CCSER1: variants seen among roughly 807,000 people sequenced by gnomAD.
CCSER1 encodes serine-rich coiled-coil domain-containing protein 1.
Under a neutral mutation model 82.0 loss-of-function variants are expected in CCSER1, and 41 were observed. The observed-to-expected ratio is 0.50, with a 90% CI of 0.39 to 0.65. The LOEUF is 0.65. Ranked by LOEUF, CCSER1 falls within the 30% of genes least tolerant of loss-of-function variation. The pLI is 0.00. For missense variants in CCSER1, 1,119 were observed against 1,064.2 expected, an observed-to-expected ratio of 1.05 and a Z score of -0.72; for synonymous variants, 414 against 383.9, an observed-to-expected ratio of 1.08 and a Z score of -0.92.
At chr4:90,152,183 C>T (rs1726989347) in intron 1 of CCSER1, among the ~76,000 whole-genome samples, 1 of 152,162 alleles carries the variant, frequency 6.6e-6, no homozygotes, top group African/African-American at 2.4e-5. Context: ...TTATCTCTCT[C>T]TGCTCTATCA....
intron 9 of CCSER1, chr4:91,015,570 A>G (rs1361363085): frequency 6.6e-6 from 1 of 151,852 alleles, no homozygotes; most frequent in South Asian, 2.1e-4. Context: ...TTTTTCTCAC[A>G]TTCACTTTTT....
At chr4:91,099,544 A>C (rs991937635) in intron 10 of CCSER1, among the ~76,000 whole-genome samples, 1 of 152,194 alleles carries the variant, frequency 6.6e-6, no homozygotes, top group African/African-American at 2.4e-5. Flanking sequence ...CTGAGAACAC[A>C]TGTCCAAGGT....
rs895674740 is a variant in CCSER1 at position 91,037,594 on chromosome 4, T to C, written c.2173-48356T>C. ...GATATTTCTACTTTTCCTTCTTCTC[T>C]CTCCTTCCTACTTTGTAATTCCCCT... is the stretch of plus-strand genomic sequence containing the variant. On this transcript the variant is annotated intron_variant, in intron 9 of 10. Transcript: ENST00000509176. 9.2e-5 allele frequency among the ~76,000 whole-genome samples: 14 copies of C among 151,574 alleles called. No individual in the cohort carries two copies. In the Admixed American group the frequency reaches 9.2e-4, roughly 10 times the overall value.
intron 6 of CCSER1, among the ~76,000 whole-genome samples, chr4:90,694,797 G>GGTGTGTGTGTGTGTGTGT (rs112192037): frequency 6.9e-6 from 1 of 145,364 alleles, no homozygotes; most frequent in African/African-American, 2.5e-5. Context: ...GTGTGTGTGG[G>GGTGTGTGTGTGTGTGTGT]GTGTGTGTGT....
In CCSER1 at chr4:90,727,366, T is replaced by C. The variant is rs115251900; in HGVS notation, c.2010+3375T>C. The C allele has an allele frequency of 4.6e-3, 2,055 of 450,920 alleles. 28 individuals are homozygous for C. The highest frequency in any genetic ancestry group is 0.035 in the African/African-American group (1,769 of 49,988). The allele number at this position is 450,920 out of a possible 1,614,324, so 27.9% of individuals were successfully genotyped here. A position where few individuals can be genotyped will look rare whatever the true frequency, so the allele number is the denominator to read the frequency against. On this transcript the variant is annotated intron_variant, in intron 7 of 10. Transcript: ENST00000509176. ...AGTTCAAGATCATTAAAGTGAAACA[T>C]TGCTCTGATAAAAGACAGTGGATTG... is the stretch of plus-strand genomic sequence containing the variant.
chr4:91,143,761 A>G (rs1049372244), intron 10 of CCSER1, among the ~76,000 whole-genome samples: 3 of 151,982 alleles, frequency 2.0e-5, no homozygotes, highest in Non-Finnish European at 4.4e-5. Context: ...AATTCTGTTT[A>G]TGTGGTAAAT....
chr4:90,885,755 G>GA (rs1722030527), intron 8 of CCSER1, among the ~76,000 whole-genome samples: 1 of 152,128 alleles, frequency 6.6e-6, no homozygotes, highest in Non-Finnish European at 1.5e-5. Flanking sequence ...ATGAAATGCT[G>GA]AATTTATCAG....
At chr4:91,079,353 C>A (rs545397788) in intron 9 of CCSER1, among the ~76,000 whole-genome samples, 6 of 152,232 alleles carry the variant, frequency 3.9e-5, no homozygotes, top group African/African-American at 1.4e-4. Flanking sequence ...GAAATAAAAT[C>A]TTTTACAGAC....
At chr4:90,745,439 A>G (rs1406250967) in intron 7 of CCSER1, among the ~76,000 whole-genome samples, 1 of 152,144 alleles carries the variant, frequency 6.6e-6, no homozygotes, top group African/African-American at 2.4e-5. Flanking sequence ...CCCCTTTGCC[A>G]TGGATATCTG....
intron 8 of CCSER1, chr4:90,911,403 T>G (rs1212001345): frequency 4.5e-6 from 2 of 442,920 alleles, no homozygotes; most frequent in Non-Finnish European, 4.5e-6. Flanking sequence ...TGCATTTTCA[T>G]TCCTGAGCTC....
At chr4:90,750,216 C>A (rs561396507) in intron 7 of CCSER1, among the ~76,000 whole-genome samples, 2 of 151,828 alleles carry the variant, frequency 1.3e-5, no homozygotes, top group Non-Finnish European at 2.9e-5. Context: ...GAGTAGGTTG[C>A]GAAAATTTTC....
chr4:90,772,506 T>A (rs940043648), intron 7 of CCSER1, among the ~76,000 whole-genome samples: 2 of 152,146 alleles, frequency 1.3e-5, no homozygotes, highest in South Asian at 2.1e-4. Flanking sequence ...TGCAAATATT[T>A]CAGTGTCATT....
intron 6 of CCSER1, chr4:90,683,042 C>G (rs1734177273): frequency 6.6e-6 from 1 of 152,294 alleles, no homozygotes; most frequent in Non-Finnish European, 1.5e-5. Context: ...TGCAACCAAA[C>G]TGCAGCAAGC....
chr4:91,291,887 CA>C (rs1324041352), intron 10 of CCSER1, among the ~76,000 whole-genome samples: 5 of 152,038 alleles, frequency 3.3e-5, no homozygotes, highest in African/African-American at 1.2e-4. Flanking sequence ...ATCCACATCA[CA>C]GATAAATTAT....
chr4:90,867,598 C>T (rs1224446160), intron 8 of CCSER1, among the ~76,000 whole-genome samples: 1 of 151,894 alleles, frequency 6.6e-6, no homozygotes, highest in Non-Finnish European at 1.5e-5. Context: ...TTATTGATTG[C>T]ACTCACCCTG....
At chr4:91,483,082 TTAAAG>T in intron 10 of CCSER1, among the ~76,000 whole-genome samples, 1 of 150,366 alleles carries the variant, frequency 6.7e-6, no homozygotes, top group Non-Finnish European at 1.5e-5. Context: ...ACCCTAGAAC[TTAAAG>T]TATAATAATA....
At chr4:91,478,404 T>C (rs1040836076) in intron 10 of CCSER1, among the ~76,000 whole-genome samples, 1 of 151,898 alleles carries the variant, frequency 6.6e-6, no homozygotes, top group Admixed American at 6.6e-5. Context: ...TAGTTAAATA[T>C]TGTAGAAAAT....
intron 1 of CCSER1, among the ~76,000 whole-genome samples, chr4:90,134,248 T>C (rs1723284152): frequency 6.6e-6 from 1 of 152,164 alleles, no homozygotes; most frequent in Non-Finnish European, 1.5e-5. Context: ...ATTATGAAAC[T>C]CATAAACAGA....
chr4:90,427,358 CA>C (rs1212416680), intron 4 of CCSER1, among the ~76,000 whole-genome samples: 5 of 151,654 alleles, frequency 3.3e-5, no homozygotes, highest in African/African-American at 1.2e-4. Context: ...ACTGATGGTA[CA>C]TCACTAAGTA....
Sources: allele counts gnomAD v4.1 joint callset (sites outside exome capture counted in the v4.1 genomes callset), GRCh38; gene constraint gnomAD v4.1.1; transcripts MANE v1.5; gene names NCBI Gene and HGNC (gene_info 2026-07-23, HGNC 2026-07-21).